The following NPAS3 variants were observed in gnomAD, a reference collection of about 807,000 sequenced individuals.
NPAS3 encodes neuronal PAS domain protein 3.
A neutral mutation model predicts 73.1 loss-of-function variants in NPAS3; 14 were observed. The observed-to-expected ratio is 0.19, with a 90% CI of 0.13 to 0.30. The LOEUF (loss-of-function observed/expected upper bound fraction) is 0.30, where lower values mean the gene tolerates loss of function less well. Among genes scored for constraint, NPAS3 ranks in the 10% least tolerant of loss-of-function variants. NPAS3 has a pLI of 1.00. For synonymous variants in NPAS3, 620 were observed against 541.5 expected (o/e 1.14, Z -2.01); for missense variants, 1,096 against 1,250.0 (o/e 0.88, Z 1.86).
chr14:33,032,853 C>T (rs1000509075), intron 1 of NPAS3, among the ~76,000 whole-genome samples: 7 of 152,146 alleles, frequency 4.6e-5, no homozygotes, highest in Admixed American at 2.0e-4. Context: ...TCTTAAACAA[C>T]GATAAATGCG....
chr14:33,345,148 A>G (rs1594741220), intron 3 of NPAS3, among the ~76,000 whole-genome samples: 1 of 152,356 alleles, frequency 6.6e-6, no homozygotes, highest in African/African-American at 2.4e-5. Flanking sequence ...TCCAAAAAGA[A>G]CACAGGAATA....
intron 1 of NPAS3, among the ~76,000 whole-genome samples, chr14:33,027,324 G>A (rs1173112605): frequency 1.3e-5 from 2 of 152,180 alleles, no homozygotes; most frequent in African/African-American, 2.4e-5. Context: ...ACGTGCTTGG[G>A]CTCTGAGTCA....
At chr14:33,027,543 A>G (rs2039850655) in intron 1 of NPAS3, among the ~76,000 whole-genome samples, 1 of 151,816 alleles carries the variant, frequency 6.6e-6, no homozygotes, top group African/African-American at 2.4e-5. Context: ...TCTGTCTTGA[A>G]TTTTCTTGTA....
chr14:33,593,763 T>G (rs2057147959), intron 5 of NPAS3, among the ~76,000 whole-genome samples: 1 of 152,260 alleles, frequency 6.6e-6, no homozygotes, highest in Admixed American at 6.5e-5. Flanking sequence ...TCCTTACTTT[T>G]ACCCTTGCTC....
chr14:33,417,689 A>G (rs2048203912), intron 4 of NPAS3, among the ~76,000 whole-genome samples: 1 of 152,132 alleles, frequency 6.6e-6, no homozygotes, highest in East Asian at 1.9e-4. Flanking sequence ...GTCATCTAAA[A>G]TAGCATCTGC....
chr14:33,725,050 T>A (rs2061226188), intron 6 of NPAS3, among the ~76,000 whole-genome samples: 2 of 152,196 alleles, frequency 1.3e-5, no homozygotes, highest in South Asian at 4.1e-4. Flanking sequence ...GATACTGTAA[T>A]GTTCTTTAAA....
chr14:32,977,382 C>CACACACACACACA (rs1219250450), intron 1 of NPAS3, among the ~76,000 whole-genome samples: 1 of 17,934 alleles, frequency 5.6e-5, no homozygotes, highest in African/African-American at 1.2e-4. Flanking sequence ...ACACACACAC[C>CACACACACACACA]CCTAATCTAT....
intron 3 of NPAS3, among the ~76,000 whole-genome samples, chr14:33,352,378 T>C (rs73258841): frequency 2.0e-3 from 299 of 152,344 alleles, no homozygotes; most frequent in African/African-American, 6.8e-3. Context: ...ATTTTTGTTT[T>C]GCTACAGAGA....
intron 7 of NPAS3, among the ~76,000 whole-genome samples, chr14:33,767,953 C>G (rs560523970): frequency 6.6e-6 from 1 of 152,286 alleles, no homozygotes; most frequent in East Asian, 1.9e-4. Context: ...CAGAAATATA[C>G]ATTTGCCCAA....
chr14:33,272,648 C>T (rs1237024797), intron 3 of NPAS3, among the ~76,000 whole-genome samples: 1 of 152,092 alleles, frequency 6.6e-6, no homozygotes, highest in Admixed American at 6.6e-5. Flanking sequence ...AACTCCTGAT[C>T]TCAAGTGATC....
In NPAS3 at chr14:33,147,730, AATATATAT is replaced by A. The variant is rs10674790; in HGVS notation, c.141-67434_141-67427del. Among the ~76,000 whole-genome samples, 93 of 130,364 alleles carry A rather than the reference AATATATAT, an allele frequency of 7.1e-4. 2 individuals are homozygous for A. Among genetic ancestry groups the A allele is most frequent in the African/African-American group, 2.9e-3 (91 of 30,912 alleles). 85.5% of individuals were successfully genotyped at this position (130,364 alleles called of 152,430 possible). A position where few individuals can be genotyped will look rare whatever the true frequency, so the allele number is the denominator to read the frequency against. Reference sequence around the variant, plus strand: ...CCCTAGAACTTAAAGTAGAATAAAAAATATATATATATATATATATATATACACACAAA... The same window carrying A: ...CCCTAGAACTTAAAGTAGAATAAAAAATATATATATATATATACACACAAA... On this transcript the variant is annotated intron_variant, in intron 2 of 11. Coordinates refer to ENST00000356141, the Ensembl canonical transcript of NPAS3.
intron 1 of NPAS3, among the ~76,000 whole-genome samples, chr14:33,022,028 G>C (rs905728073): frequency 4.5e-4 from 68 of 152,282 alleles, no homozygotes; most frequent in African/African-American, 1.6e-3. Context: ...ATTCCAACCT[G>C]CATCTGTCAG....
chr14:32,968,772 C>CTT (rs144725905), intron 1 of NPAS3, among the ~76,000 whole-genome samples: 100,981 of 145,980 alleles, frequency 0.69, 35,363 homozygotes, highest in East Asian at 0.81. Flanking sequence ...TACTTTCTTT[C>CTT]TTTTTTTTTT....
chr14:33,089,869 CA>C (rs1458019396), intron 2 of NPAS3, among the ~76,000 whole-genome samples: 1 of 152,140 alleles, frequency 6.6e-6, no homozygotes, highest in Non-Finnish European at 1.5e-5. Context: ...AAAGAATTTT[CA>C]ACCTAAAATT....
intron 1 of NPAS3, among the ~76,000 whole-genome samples, chr14:32,962,268 A>C (rs1327047576): frequency 6.6e-6 from 1 of 152,182 alleles, no homozygotes; most frequent in Non-Finnish European, 1.5e-5. Context: ...AAAACGTAAG[A>C]CTAGATTTTT....
intron 4 of NPAS3, among the ~76,000 whole-genome samples, chr14:33,507,959 C>T (rs2052851237): frequency 6.6e-6 from 1 of 151,916 alleles, no homozygotes; most frequent in African/African-American, 2.4e-5. Flanking sequence ...GCCTCTCCTT[C>T]CTACTCCCCC....
intron 5 of NPAS3, among the ~76,000 whole-genome samples, chr14:33,609,324 T>C (rs960902591): frequency 1.1e-4 from 16 of 152,192 alleles, no homozygotes; most frequent in Admixed American, 5.2e-4. Flanking sequence ...AAAAATGTTG[T>C]TGGTGTTCTG....
At chr14:33,734,477 A>G (rs1952163) in intron 6 of NPAS3, among the ~76,000 whole-genome samples, 2,704 of 152,258 alleles carry the variant, frequency 0.018, 80 homozygotes, top group African/African-American at 0.06. Flanking sequence ...AAGAGTGACT[A>G]TCTTGTTTAA....
chr14:33,697,970 A>G (rs1050285354), intron 6 of NPAS3, among the ~76,000 whole-genome samples: 1 of 152,228 alleles, frequency 6.6e-6, no homozygotes, highest in South Asian at 2.1e-4. Flanking sequence ...AGAATTCTTT[A>G]TATTCTTACT....
Sources: gnomAD v4.1 joint callset for allele counts (sites outside exome capture counted in the v4.1 genomes callset) on GRCh38, gnomAD v4.1.1 for gene constraint, MANE v1.5 for transcripts, NCBI Gene and HGNC (gene_info 2026-07-23, HGNC 2026-07-21) for gene names.